The following DENND1A variants were observed in gnomAD, a reference collection of about 807,000 sequenced individuals.
DENND1A encodes DENN domain-containing protein 1A.
DENND1A carries 51 observed loss-of-function variants against 113.7 expected under a neutral mutation model. The observed-to-expected ratio is 0.45, with a 90% confidence interval of 0.36 to 0.57. The LOEUF is 0.57. DENND1A is among the 20% of genes least tolerant of loss of function. DENND1A has a pLI of 0.00. For synonymous variants in DENND1A, 565 were observed against 570.8 expected (o/e 0.99, Z 0.14); for missense variants, 1,258 against 1,395.9 (o/e 0.90, Z 1.57).
At chr9:123,661,671 T>C (rs1204005742) in intron 8 of DENND1A, among the ~76,000 whole-genome samples, 4 of 152,014 alleles carry the variant, frequency 2.6e-5, no homozygotes, top group Non-Finnish European at 5.9e-5. Flanking sequence ...GGCTCTACAG[T>C]GAAAGTTAAG....
At chr9:123,799,171 T>TA (rs1564291816) in intron 2 of DENND1A, among the ~76,000 whole-genome samples, 1 of 152,162 alleles carries the variant, frequency 6.6e-6, no homozygotes, top group African/African-American at 2.4e-5. Flanking sequence ...TATTCAAATA[T>TA]AAAAAAACTA....
intron 2 of DENND1A, among the ~76,000 whole-genome samples, chr9:123,851,044 A>C (rs949991373): frequency 6.6e-6 from 1 of 152,098 alleles, no homozygotes; most frequent in Non-Finnish European, 1.5e-5. Context: ...ACAAGAATGA[A>C]AAAAAAATAA....
At chr9:123,638,157 C>T (rs1327931218) in intron 9 of DENND1A, among the ~76,000 whole-genome samples, 1 of 152,006 alleles carries the variant, frequency 6.6e-6, no homozygotes, top group Non-Finnish European at 1.5e-5. Flanking sequence ...AGCTTTCATG[C>T]CAAGATTTGA....
At chr9:123,631,109 G>C (rs1484002096) in intron 9 of DENND1A, among the ~76,000 whole-genome samples, 2 of 152,076 alleles carry the variant, frequency 1.3e-5, no homozygotes, top group African/African-American at 2.4e-5. Context: ...AACATTTGAA[G>C]GCACTTAATA....
intron 1 of DENND1A, among the ~76,000 whole-genome samples, chr9:123,887,417 G>C (rs934617714): frequency 3.3e-5 from 5 of 152,076 alleles, no homozygotes; most frequent in African/African-American, 1.2e-4. Flanking sequence ...GGAACAACCT[G>C]GTGTGGGAAG....
intron 12 of DENND1A, among the ~76,000 whole-genome samples, chr9:123,561,182 G>A (rs1261312390): frequency 1.3e-5 from 2 of 152,136 alleles, no homozygotes; most frequent in Non-Finnish European, 2.9e-5. Flanking sequence ...ACCTTCCCTG[G>A]CCTTTCTCTT....
At chr9:123,654,137 G>A in intron 8 of DENND1A, among the ~76,000 whole-genome samples, 1 of 152,152 alleles carries the variant, frequency 6.6e-6, no homozygotes. Flanking sequence ...GGAACACAGA[G>A]CTAATGATGT....
chr9:123,652,496 A>G (rs2062713076), intron 8 of DENND1A, among the ~76,000 whole-genome samples: 1 of 152,262 alleles, frequency 6.6e-6, no homozygotes, highest in African/African-American at 2.4e-5. Context: ...CAATGAAGAC[A>G]GGACTGCTGC....
intron 19 of DENND1A, among the ~76,000 whole-genome samples, chr9:123,426,234 G>A (rs945997413): frequency 4.0e-5 from 6 of 148,826 alleles, no homozygotes; most frequent in African/African-American, 1.3e-4. Flanking sequence ...TGCCACATTC[G>A]GGAGGCTGCA....
intron 3 of DENND1A, among the ~76,000 whole-genome samples, chr9:123,773,076 A>C (rs1319772685): frequency 6.6e-6 from 1 of 152,206 alleles, no homozygotes; most frequent in Non-Finnish European, 1.5e-5. Context: ...AATTTCCAAA[A>C]GGGTTTTTCT....
chr9:123,887,361 T>C (rs1458545981), intron 1 of DENND1A, among the ~76,000 whole-genome samples: 1 of 152,106 alleles, frequency 6.6e-6, no homozygotes, highest in Non-Finnish European at 1.5e-5. Flanking sequence ...AGGGATGTCC[T>C]GGCATAAGAT....
At chr9:123,819,686 T>C (rs1196926315) in intron 2 of DENND1A, among the ~76,000 whole-genome samples, 1 of 151,994 alleles carries the variant, frequency 6.6e-6, no homozygotes, top group Non-Finnish European at 1.5e-5. Context: ...TACAGGTGCA[T>C]GCCACCATGA....
chr9:123,728,910 T>C (rs1209706443), intron 5 of DENND1A, among the ~76,000 whole-genome samples: 1 of 152,148 alleles, frequency 6.6e-6, no homozygotes, highest in East Asian at 1.9e-4. Context: ...TTAAAAAGCT[T>C]ATCCACCACG....
intron 2 of DENND1A, among the ~76,000 whole-genome samples, chr9:123,799,616 C>T (rs1042005597): frequency 1.3e-5 from 2 of 152,176 alleles, no homozygotes; most frequent in African/African-American, 2.4e-5. Context: ...TAACACGGCA[C>T]GCCCACTTCT....
At chr9:123,515,132 A>G (rs1156572183) in intron 13 of DENND1A, among the ~76,000 whole-genome samples, 2 of 152,238 alleles carry the variant, frequency 1.3e-5, no homozygotes, top group African/African-American at 4.8e-5. Context: ...GAGACATAAC[A>G]ACCATAGGCA....
chr9:123,929,878 G>C lies in DENND1A; in HGVS notation c.17+11C>G, dbSNP rs1857739095. On this transcript the variant is annotated intron_variant, in intron 1 of 23. Coordinates refer to ENST00000394215, the MANE Select transcript of DENND1A (RefSeq NM_001352964.2). ...GCCCGGCCCGGCTCCGCCCGGCCCG[G>C]CCGCACTCACTTGATCCTGGAGCCC... 3.2e-6 allele frequency: 1 copy of C among 308,580 alleles called. No homozygotes were observed. The highest frequency in any genetic ancestry group is 6.0e-6 in the Non-Finnish European group (1 of 165,870). 19.1% of individuals were successfully genotyped at this position (308,580 alleles called of 1,614,324 possible). A position where few individuals can be genotyped will look rare whatever the true frequency, so the allele number is the denominator to read the frequency against.
At chr9:123,813,118 G>C (rs935761533) in intron 2 of DENND1A, among the ~76,000 whole-genome samples, 1 of 152,006 alleles carries the variant, frequency 6.6e-6, no homozygotes, top group Non-Finnish European at 1.5e-5. Flanking sequence ...GGCACCTGTG[G>C]TCTCAGCTAA....
rs572745728 is a variant in DENND1A, at chr9:123,671,391, T to C, written c.373-20A>G. On this transcript the variant is annotated intron_variant, in intron 6 of 23. Coordinates refer to ENST00000394215, the MANE Select transcript of DENND1A (RefSeq NM_001352964.2). Reference sequence around the variant, plus strand: ...ATTTTCCTGAAAGAAATAAAAGGCCTAAGTAACAAAAGCAAGGCTGAGCCC... The same window carrying C: ...ATTTTCCTGAAAGAAATAAAAGGCCCAAGTAACAAAAGCAAGGCTGAGCCC... 3.1e-6 allele frequency: 5 copies of C among 1,613,030 alleles called. No individual in the cohort carries two copies. The highest frequency in any genetic ancestry group is 3.3e-5 in the Admixed American group (2 of 59,846).
intron 2 of DENND1A, among the ~76,000 whole-genome samples, chr9:123,842,594 T>C (rs934571788): frequency 1.3e-5 from 2 of 152,106 alleles, no homozygotes; most frequent in African/African-American, 4.8e-5. Flanking sequence ...ACAGAAAATC[T>C]GAATAGACCT....
Sources: gnomAD v4.1 joint callset for allele counts (sites outside exome capture counted in the v4.1 genomes callset) on GRCh38, gnomAD v4.1.1 for gene constraint, MANE v1.5 for transcripts, NCBI Gene and HGNC (gene_info 2026-07-23, HGNC 2026-07-21) for gene names.